The following TRPC4AP variants were observed in gnomAD, a reference collection of about 807,000 sequenced individuals.
TRPC4AP encodes the protein short transient receptor potential channel 4-associated protein.
TRPC4AP carries 45 observed loss-of-function variants against 99.0 expected under a neutral mutation model. That is an observed-to-expected ratio of 0.45 (90% CI 0.36 to 0.58). TRPC4AP has a LOEUF of 0.58. TRPC4AP is among the 20% of genes least tolerant of loss of function. The pLI is 0.00. For missense variants in TRPC4AP, 879 were observed against 985.3 expected, an observed-to-expected ratio of 0.89 and a Z score of 1.44; for synonymous variants, 408 against 385.8, an observed-to-expected ratio of 1.06 and a Z score of -0.67.
chr20:35,028,323 C>T (rs934443245), intron 8 of TRPC4AP, among the ~76,000 whole-genome samples: 1 of 151,746 alleles, frequency 6.6e-6, no homozygotes, highest in Non-Finnish European at 1.5e-5. Context: ...GACCTCCTGA[C>T]CTTAAGCGAC....
In TRPC4AP at chr20:35,003,398, T is replaced by G. The variant is rs764263935; in HGVS notation, c.2256+12A>C. ...GGCCCACCCATCACCCCCTTGAGGG[T>G]GGGGCACTCACGTTCTCTAGGCAGG... On this transcript the variant is annotated intron_variant, in intron 18 of 18. Transcript: ENST00000252015. 2 of 1,590,602 alleles carry G rather than the reference T, an allele frequency of 1.3e-6. No homozygotes were observed. The highest frequency in any genetic ancestry group is 1.7e-6 in the Non-Finnish European group (2 of 1,163,196).
intron 3 of TRPC4AP, among the ~76,000 whole-genome samples, chr20:35,061,414 G>C (rs2104084): frequency 0.4 from 60,246 of 152,030 alleles, 13,061 homozygotes; most frequent in East Asian, 0.59. Flanking sequence ...TCCCTAAATT[G>C]ACCTACAAAT....
intron 7 of TRPC4AP, among the ~76,000 whole-genome samples, chr20:35,039,056 T>C (rs546330641): frequency 7.2e-5 from 11 of 152,170 alleles, no homozygotes; most frequent in East Asian, 3.9e-4. Flanking sequence ...CTGGGCAACA[T>C]AGCCAGACTG....
intron 1 of TRPC4AP, among the ~76,000 whole-genome samples, chr20:35,078,600 C>T (rs1000446467): frequency 6.6e-5 from 10 of 152,086 alleles, no homozygotes; most frequent in African/African-American, 2.4e-4. Flanking sequence ...TATAATAAAA[C>T]AAACATGGTA....
At chr20:35,072,297 T>A (rs183067150) in intron 2 of TRPC4AP, among the ~76,000 whole-genome samples, 14 of 152,364 alleles carry the variant, frequency 9.2e-5, no homozygotes, top group Admixed American at 7.8e-4. Flanking sequence ...TAGATCCCAT[T>A]TGCCAATTCT....
At chr20:35,067,521 A>G (rs771301013) in intron 3 of TRPC4AP, among the ~76,000 whole-genome samples, 4 of 152,184 alleles carry the variant, frequency 2.6e-5, no homozygotes, top group Non-Finnish European at 4.4e-5. Context: ...CTAGGTATGT[A>G]TATGCCTGAG....
chr20:35,077,231 G>A (rs2084504584), intron 2 of TRPC4AP, among the ~76,000 whole-genome samples: 2 of 152,080 alleles, frequency 1.3e-5, no homozygotes, highest in Admixed American at 6.5e-5. Flanking sequence ...GCAATGCCCC[G>A]CCCTGCTTCA....
chr20:35,044,577 T>A lies in TRPC4AP; in HGVS notation c.793A>T (p.Thr265Ser). 1.2e-6 allele frequency: 2 copies of A among 1,614,176 alleles called. No individual in the cohort carries two copies. The highest frequency in any genetic ancestry group is 8.5e-7 in the Non-Finnish European group (1 of 1,180,020). ...EMDTGNDDKH[T>S]LLAKNAQQKK... Reference sequence around the variant, plus strand: ...TGTTGAGCATTTTTGGCAAGAAGCGTGTGCTTGTCATCATTCCCTGTATCC... The same window carrying A: ...TGTTGAGCATTTTTGGCAAGAAGCGAGTGCTTGTCATCATTCCCTGTATCC... Residue 265 changes from threonine (T) to serine (S), a missense_variant, in exon 7 of 19, where the codon ACG becomes TCG. By Grantham distance (58) the Thr-to-Ser change is moderately conservative (BLOSUM62 1). Transcript: ENST00000252015.
intron 14 of TRPC4AP, among the ~76,000 whole-genome samples, chr20:35,007,172 C>T (rs1252220520): frequency 6.6e-6 from 1 of 152,120 alleles, no homozygotes; most frequent in Admixed American, 6.5e-5. Context: ...GTTTCTTGTC[C>T]ATATGAAAAA....
intron 12 of TRPC4AP, 101 bp from the exon 13 acceptor site, chr20:35,008,848 A>G (rs1410998287): frequency 2.7e-6 from 3 of 1,094,050 alleles, no homozygotes; most frequent in South Asian, 1.5e-5. Flanking sequence ...CCATGGGGAC[A>G]TTTCCAAGTC....
chr20:35,076,905 G>C (rs1338645840), intron 2 of TRPC4AP, among the ~76,000 whole-genome samples: 3 of 152,122 alleles, frequency 2.0e-5, no homozygotes, highest in Non-Finnish European at 4.4e-5. Context: ...GCTGCGGTGG[G>C]CTCCACTCAG....
At chr20:35,028,157 T>G (rs987027686) in intron 8 of TRPC4AP, among the ~76,000 whole-genome samples, 3 of 152,180 alleles carry the variant, frequency 2.0e-5, no homozygotes, top group Non-Finnish European at 4.4e-5. Context: ...ACGCTTTAGC[T>G]GCATCCCATA....
chr20:35,015,916 A>C, intron 10 of TRPC4AP, 92 bp downstream of exon 10: 1 of 1,543,830 alleles, frequency 6.5e-7, no homozygotes, highest in Non-Finnish European at 8.8e-7. Context: ...TCTACTCCCA[A>C]AGGAAAAAAG....
At position 35,006,582 on chromosome 20, in the gene TRPC4AP, G is replaced by A; in HGVS notation, c.1687-7C>T. Reference sequence around the variant, plus strand: ...CAATGCAGTAAAGGATGTGCTGGGTGAGGAGGGACAGGGTGAAGGTGTCAA... The same window carrying A: ...CAATGCAGTAAAGGATGTGCTGGGTAAGGAGGGACAGGGTGAAGGTGTCAA... On this transcript the variant is annotated splice_polypyrimidine_tract_variant and splice_region_variant and intron_variant, in intron 14 of 18. Coordinates refer to ENST00000252015, the MANE Select transcript of TRPC4AP (RefSeq NM_015638.3). The A allele has an allele frequency of 3.7e-6, 6 of 1,613,034 alleles. No homozygotes were observed. Among genetic ancestry groups the A allele is most frequent in the East Asian group, 2.2e-5 (1 of 44,872 alleles).
At chr20:35,009,815 T>C (rs188469679) in intron 12 of TRPC4AP, among the ~76,000 whole-genome samples, 72 of 152,348 alleles carry the variant, frequency 4.7e-4, no homozygotes, top group African/African-American at 1.6e-3. Context: ...GTAAGAGGCT[T>C]CTGTCTGTCC....
At chr20:35,041,844 C>A (rs1303538190) in intron 7 of TRPC4AP, among the ~76,000 whole-genome samples, 1 of 152,202 alleles carries the variant, frequency 6.6e-6, no homozygotes. Flanking sequence ...AATGGGGATA[C>A]TAATCTCTAT....
chr20:35,006,008 G>A (rs539103489), intron 15 of TRPC4AP, among the ~76,000 whole-genome samples: 8 of 152,320 alleles, frequency 5.3e-5, no homozygotes, highest in Non-Finnish European at 8.8e-5. Flanking sequence ...GCACAGATCC[G>A]ACACTCTCTC....
chr20:35,014,094 G>GCC (rs1007055609), intron 10 of TRPC4AP, among the ~76,000 whole-genome samples: 12 of 152,328 alleles, frequency 7.9e-5, no homozygotes, highest in African/African-American at 2.9e-4. Context: ...CAAGTGATCT[G>GCC]CCCGCCTTGG....
chr20:35,034,595 C>T (rs989875299), intron 8 of TRPC4AP, among the ~76,000 whole-genome samples: 1 of 152,062 alleles, frequency 6.6e-6, no homozygotes, highest in African/African-American at 2.4e-5. Context: ...GCTGAGAATT[C>T]CTGGGTTTGT....
Sources: gnomAD v4.1 joint callset for allele counts (sites outside exome capture counted in the v4.1 genomes callset) on GRCh38, gnomAD v4.1.1 for gene constraint, MANE v1.5 for transcripts, NCBI Gene and HGNC (gene_info 2026-07-23, HGNC 2026-07-21) for gene names.